The following DNAI4 variants were observed in gnomAD, a reference collection of about 807,000 sequenced individuals.
DNAI4 encodes dynein axonemal intermediate chain 4.
DNAI4 carries 85 observed loss-of-function variants against 105.8 expected under a neutral mutation model. That is an observed-to-expected ratio of 0.80 (90% CI 0.67 to 0.96). DNAI4 has a LOEUF of 0.96. Ranked by LOEUF, DNAI4 falls within the 40% of genes least tolerant of loss-of-function variation. The probability of loss-of-function intolerance (pLI) is 0.00; values close to 1 mark genes in which losing one functional copy is unlikely to be tolerated. For synonymous variants in DNAI4, 352 were observed against 331.5 expected, an observed-to-expected ratio of 1.06 and a Z score of -0.67; for missense variants, 1,014 against 1,005.6, an observed-to-expected ratio of 1.01 and a Z score of -0.11.
At position 66,893,347 on chromosome 1, in the gene DNAI4, T is replaced by A. The variant is rs1428522632; in HGVS notation, c.412A>T (p.Thr138Ser). Residue 138 changes from threonine (T) to serine (S), a missense_variant, in exon 3 of 17, where the codon ACA (threonine) becomes TCA (serine). By Grantham distance (58) the Thr-to-Ser change is moderately conservative. Transcript: ENST00000371026. The stretch of plus-strand genomic sequence containing the variant: ...GTCAAGAGTTTACTTGGTTTTGCTG[T>A]ACCAGTAAGTGGATCTGGATGGTAA... Reference protein sequence around the residue: ...PLYHPDPLTGTAKPSKLLTSQ... With the variant: ...PLYHPDPLTGSAKPSKLLTSQ... The A allele has an allele frequency of 6.2e-7, 1 of 1,609,564 alleles. No homozygotes were observed. The highest frequency in any genetic ancestry group is 8.5e-7 in the Non-Finnish European group (1 of 1,177,818).
intron 1 of DNAI4, among the ~76,000 whole-genome samples, chr1:66,914,199 T>C (rs1649894790): frequency 6.6e-6 from 1 of 152,180 alleles, no homozygotes; most frequent in African/African-American, 2.4e-5. Flanking sequence ...TAGCATTCCA[T>C]AGGTTTCACG....
intron 13 of DNAI4, among the ~76,000 whole-genome samples, chr1:66,831,541 A>G (rs1645866708): frequency 6.6e-6 from 1 of 152,234 alleles, no homozygotes; most frequent in South Asian, 2.1e-4. Flanking sequence ...ATCTTTATAC[A>G]TACGGAAAAG....
intron 15 of DNAI4, among the ~76,000 whole-genome samples, chr1:66,825,371 C>T (rs896571648): frequency 3.1e-4 from 46 of 150,786 alleles, no homozygotes; most frequent in Non-Finnish European, 5.3e-4. Flanking sequence ...TTAGTAGAGA[C>T]GGGGTTTCAC....
At position 66,813,892 on chromosome 1, in the gene DNAI4, G is replaced by A. The variant is rs535957519; in HGVS notation, c.*238C>T. On this transcript the variant is annotated 3_prime_UTR_variant, in exon 17 of 17. Transcript: ENST00000371026. The stretch of plus-strand genomic sequence containing the variant: ...ATGTACTTAGAATATGATCAAGAGA[G>A]TAGGAATATCTTTAGAAAAATTAAG... The A allele has an allele frequency of 2.5e-4, 103 of 407,874 alleles. No homozygotes were observed. The highest frequency in any genetic ancestry group is 2.0e-3 in the African/African-American group (97 of 48,622). 25.3% of individuals were successfully genotyped at this position (407,874 alleles called of 1,614,324 possible).
chr1:66,877,860 G>A (rs1397643384), intron 4 of DNAI4, among the ~76,000 whole-genome samples: 1 of 152,162 alleles, frequency 6.6e-6, no homozygotes, highest in African/African-American at 2.4e-5. Context: ...TTAAACAAGT[G>A]TTATGGGTTT....
intron 1 of DNAI4, among the ~76,000 whole-genome samples, chr1:66,907,503 A>G (rs955913070): frequency 6.6e-6 from 1 of 152,098 alleles, no homozygotes; most frequent in African/African-American, 2.4e-5. Context: ...CCCCTTTTAC[A>G]GATTACGTTT....
At chr1:66,883,728 CTTA>C (rs1419633743) in intron 4 of DNAI4, among the ~76,000 whole-genome samples, 1 of 151,950 alleles carries the variant, frequency 6.6e-6, no homozygotes, top group African/African-American at 2.4e-5. Flanking sequence ...AAAGTGACAA[CTTA>C]TTATTGGGTA....
chr1:66,854,415 A>C (rs1280865272), intron 7 of DNAI4, among the ~76,000 whole-genome samples: 1 of 152,138 alleles, frequency 6.6e-6, no homozygotes. Flanking sequence ...AAAATACTAT[A>C]TACAATTGCT....
chr1:66,871,226 AAC>A (rs1328270177), intron 6 of DNAI4, 142 bp downstream of exon 6: 9 of 587,484 alleles, frequency 1.5e-5, no homozygotes, highest in Non-Finnish European at 2.8e-6. Flanking sequence ...AAAGCTATAG[AAC>A]ACAGTGTCCA....
At chr1:66,824,521 T>C (rs1645707728) in intron 15 of DNAI4, among the ~76,000 whole-genome samples, 1 of 152,052 alleles carries the variant, frequency 6.6e-6, no homozygotes, top group Admixed American at 6.5e-5. Context: ...TTTCTCGATA[T>C]TGATTCTTCC....
chr1:66,886,994 A>T (rs773106528), intron 4 of DNAI4, among the ~76,000 whole-genome samples: 155 of 144,048 alleles, frequency 1.1e-3, no homozygotes, highest in Non-Finnish European at 1.8e-3. Flanking sequence ...GGAGTGTTTT[A>T]AGCTGGATAT....
At chr1:66,924,632 T>C (rs752595113) in intron 1 of DNAI4, 30 bp downstream of exon 1, 1 of 1,614,194 alleles carries the variant, frequency 6.2e-7, no homozygotes. Context: ...CCCAGGGGGA[T>C]GGACTACGGT....
chr1:66,818,301 A>T (rs1304922641), intron 16 of DNAI4, among the ~76,000 whole-genome samples: 2 of 152,004 alleles, frequency 1.3e-5, no homozygotes, highest in Non-Finnish European at 2.9e-5. Context: ...TTAATTTATG[A>T]AATTACTAAG....
intron 4 of DNAI4, among the ~76,000 whole-genome samples, chr1:66,875,707 A>G (rs1407448094): frequency 3.3e-5 from 5 of 152,088 alleles, no homozygotes; most frequent in African/African-American, 1.2e-4. Flanking sequence ...TGGGATAGGT[A>G]AAGCTTGGAC....
At chr1:66,833,203 A>G (rs1199776767) in intron 13 of DNAI4, among the ~76,000 whole-genome samples, 1 of 152,176 alleles carries the variant, frequency 6.6e-6, no homozygotes, top group Non-Finnish European at 1.5e-5. Flanking sequence ...TTTCACTTAC[A>G]AAGCACAATT....
chr1:66,886,557 C>T (rs1647206547), intron 4 of DNAI4, among the ~76,000 whole-genome samples: 1 of 152,096 alleles, frequency 6.6e-6, no homozygotes, highest in Admixed American at 6.5e-5. Context: ...CCCTTCCTGG[C>T]TTTCAGGCTT....
At chr1:66,869,198 A>T (rs1646792133) in intron 6 of DNAI4, among the ~76,000 whole-genome samples, 1 of 151,716 alleles carries the variant, frequency 6.6e-6, no homozygotes, top group Non-Finnish European at 1.5e-5. Context: ...AAGTATTCTC[A>T]CATTTACAGA....
At chr1:66,844,372 C>G (rs949472809) in intron 8 of DNAI4, among the ~76,000 whole-genome samples, 2 of 151,806 alleles carry the variant, frequency 1.3e-5, no homozygotes, top group African/African-American at 4.8e-5. Context: ...ACTAGCCTGG[C>G]CAACAATGGC....
intron 4 of DNAI4, among the ~76,000 whole-genome samples, chr1:66,884,200 A>G (rs900457209): frequency 6.6e-6 from 1 of 152,224 alleles, no homozygotes; most frequent in African/African-American, 2.4e-5. Context: ...TACTGTGTGT[A>G]TATACCACAT....
Sources: gnomAD v4.1 joint callset for allele counts (sites outside exome capture counted in the v4.1 genomes callset) on GRCh38, gnomAD v4.1.1 for gene constraint, MANE v1.5 for transcripts, NCBI Gene and HGNC (gene_info 2026-07-23, HGNC 2026-07-21) for gene names.